DTNBP1: variants seen among roughly 807,000 people sequenced by gnomAD.
DTNBP1 encodes dystrobrevin binding protein 1, also known as dysbindin.
Under a neutral mutation model 42.8 loss-of-function variants are expected in DTNBP1, and 35 were observed. The ratio of observed to expected loss-of-function variants is 0.82; its 90% CI spans 0.63 to 1.09. The LOEUF is 1.09. Ranked by LOEUF, DTNBP1 falls within the 50% of genes least tolerant of loss-of-function variation. The pLI is 0.00. For synonymous variants in DTNBP1, 171 were observed against 162.2 expected (o/e 1.05, Z -0.41); for missense variants, 457 against 424.2 (o/e 1.08, Z -0.68).
At position 15,625,785 on chromosome 6, in the gene DTNBP1, C is replaced by G. The variant is rs559043251; in HGVS notation, c.355+1558G>C. ...AACATGTCTGCAAAGAAACATACAA[C>G]CAATGAAAAGCAAGTGACTCAAAGA... On this transcript the variant is annotated intron_variant, in intron 5 of 9. Transcript: ENST00000344537. 1.1e-3 allele frequency among the ~76,000 whole-genome samples: 173 copies of G among 152,226 alleles called. 1 individual carries two copies. The highest frequency in any genetic ancestry group is 4.0e-3 in the African/African-American group (168 of 41,538).
intron 7 of DTNBP1, among the ~76,000 whole-genome samples, chr6:15,585,064 AATATATATATATAT>A (rs59261831): frequency 0.017 from 2,022 of 119,528 alleles, 122 homozygotes; most frequent in African/African-American, 0.046. Flanking sequence ...TTATGAAAAG[AATATATATATATAT>A]ATATATATAT....
chr6:15,637,896 G>T (rs1215117016), intron 3 of DTNBP1, 92 bp from the exon 4 acceptor site: 6 of 1,356,072 alleles, frequency 4.4e-6, no homozygotes, highest in African/African-American at 4.3e-5. Context: ...TGTGGTGCTA[G>T]AAAGGAAACA....
At chr6:15,574,097 C>T (rs181922926) in intron 7 of DTNBP1, among the ~76,000 whole-genome samples, 3 of 152,268 alleles carry the variant, frequency 2.0e-5, no homozygotes, top group East Asian at 1.9e-4. Flanking sequence ...TCTTCAAAAT[C>T]GGAACAGATA....
intron 1 of DTNBP1, among the ~76,000 whole-genome samples, chr6:15,661,298 G>C (rs907165580): frequency 7.0e-6 from 1 of 143,280 alleles, no homozygotes; most frequent in Non-Finnish European, 1.5e-5. Context: ...AGGCTGCAGC[G>C]AGCTATAATA....
intron 7 of DTNBP1, among the ~76,000 whole-genome samples, chr6:15,548,640 A>G (rs1774031462): frequency 6.6e-6 from 1 of 152,214 alleles, no homozygotes; most frequent in African/African-American, 2.4e-5. Context: ...CAGTAAGACA[A>G]TTCTCATTTC....
intron 7 of DTNBP1, among the ~76,000 whole-genome samples, chr6:15,573,267 T>C (rs534978748): frequency 9.8e-5 from 15 of 152,294 alleles, no homozygotes; most frequent in African/African-American, 3.4e-4. Flanking sequence ...TATCACCATA[T>C]AGAAAATTTT....
intron 3 of DTNBP1, among the ~76,000 whole-genome samples, chr6:15,645,540 C>A (rs921647039): frequency 2.0e-5 from 3 of 152,108 alleles, no homozygotes; most frequent in Non-Finnish European, 4.4e-5. Flanking sequence ...AAATCCTCAA[C>A]AAAATGCTAT....
chr6:15,593,083 T>A lies in DTNBP1; in HGVS notation c.489-2A>T. 1 of 1,566,868 alleles carries A rather than the reference T, an allele frequency of 6.4e-7. No individual in the cohort carries two copies. Among genetic ancestry groups the A allele is most frequent in the Non-Finnish European group, 8.6e-7 (1 of 1,158,742 alleles). ...CCTTTGAAGGTTTCAAGTTCCTTCCTGTAGGAAAAAAAAAAAAAAGACAAG... is the reference window on the plus strand; with the variant it reads ...CCTTTGAAGGTTTCAAGTTCCTTCCAGTAGGAAAAAAAAAAAAAAGACAAG... On this transcript the variant is annotated splice_acceptor_variant, in intron 6 of 9. Transcript: ENST00000344537. LOFTEE classifies it high-confidence loss of function.
At chr6:15,531,972 A>G (rs1188580205) in intron 8 of DTNBP1, among the ~76,000 whole-genome samples, 4 of 152,196 alleles carry the variant, frequency 2.6e-5, no homozygotes, top group Non-Finnish European at 4.4e-5. Flanking sequence ...GAGGGGACAC[A>G]GAACTGGATG....
chr6:15,610,650 T>A (rs981486502), intron 6 of DTNBP1, among the ~76,000 whole-genome samples: 6 of 152,134 alleles, frequency 3.9e-5, no homozygotes, highest in African/African-American at 4.8e-5. Flanking sequence ...GCTACTCCAA[T>A]GAACACATGA....
In DTNBP1 at chr6:15,627,458, C is replaced by T. The variant is rs1219365058; in HGVS notation, c.240G>A (p.Val80=). 3 of 1,613,926 alleles carry T rather than the reference C, an allele frequency of 1.9e-6. No homozygotes were observed. Among genetic ancestry groups the T allele is most frequent in the Non-Finnish European group, 1.7e-6 (2 of 1,179,946 alleles). The change falls in exon 5 of 10, where the codon GTG becomes GTA. Residue 80 remains valine, a synonymous_variant. Coordinates refer to ENST00000344537, the MANE Select transcript of DTNBP1 (RefSeq NM_032122.5). ...TCTCCCAGTGCGCAGAAAGCATGAC[C>T]ACCTCGCTATCCACCAGCTGCAGCA... The part of the protein sequence containing the change: ...ASAGELVDSE[V]VMLSAHWEKK...
intron 8 of DTNBP1, among the ~76,000 whole-genome samples, chr6:15,531,055 A>T (rs910028560): frequency 2.0e-5 from 3 of 152,070 alleles, no homozygotes; most frequent in Non-Finnish European, 4.4e-5. Flanking sequence ...ATACCAAGAG[A>T]TAGCAGAGAG....
chr6:15,636,587 G>T (rs1368434409), intron 4 of DTNBP1, among the ~76,000 whole-genome samples: 1 of 152,158 alleles, frequency 6.6e-6, no homozygotes, highest in Non-Finnish European at 1.5e-5. Flanking sequence ...AAGCCAGACA[G>T]GTTTCCTTGT....
intron 2 of DTNBP1, 149 bp downstream of exon 2, chr6:15,651,938 C>G: frequency 1.4e-6 from 1 of 698,092 alleles, no homozygotes. Context: ...TTTCCTGTTA[C>G]AAAATTTAGA....
Position 15,587,688 on chromosome 6 carries a change from G to T in DTNBP1, c.511+5371C>A, listed in dbSNP as rs1776136226. ...CTAAGGCTTGTGAGGGAGACTTCGG[G>T]CATGGTGCAGCCTAGAGCCCCAAGG... On this transcript the variant is annotated intron_variant, in intron 7 of 9. Transcript: ENST00000344537. This position sits in a 1 kb window ranked among gnomAD's most constrained non-coding sequence, Gnocchi z 4.1. Among the ~76,000 whole-genome samples the T allele has an allele frequency of 6.6e-6, 1 of 152,140 alleles. No homozygotes were observed. Among genetic ancestry groups the T allele is most frequent in the Admixed American group, 6.5e-5 (1 of 15,268 alleles).
rs148424355 is a variant in DTNBP1, at chr6:15,595,484, C to G, written c.489-2403G>C. On this transcript the variant is annotated intron_variant, in intron 6 of 9. Transcript: ENST00000344537. ...GTTTCACCATGTTGGCCAGACTGGC[C>G]TCAAACTCCTGACCTCAGTTGATCC... 4.9e-3 allele frequency among the ~76,000 whole-genome samples: 748 copies of G among 152,056 alleles called. 4 individuals are homozygous for G. The highest frequency in any genetic ancestry group is 7.8e-3 in the Non-Finnish European group (532 of 67,968).
intron 7 of DTNBP1, among the ~76,000 whole-genome samples, chr6:15,544,639 C>T (rs1773770642): frequency 6.6e-6 from 1 of 152,188 alleles, no homozygotes; most frequent in Admixed American, 6.5e-5. Flanking sequence ...TTTTGAGCAC[C>T]TACCTGATTC....
Position 15,659,551 on chromosome 6 carries a change from C to CTTTT in DTNBP1, c.56+3262_56+3263insAAAA, listed in dbSNP as rs1164636890. Among the ~76,000 whole-genome samples, 2 of 104,688 alleles carry CTTTT rather than the reference C, an allele frequency of 1.9e-5. 1 individual carries two copies. Among genetic ancestry groups the CTTTT allele is most frequent in the African/African-American group, 7.9e-5 (2 of 25,382 alleles). The allele number at this position is 104,688 out of a possible 152,430, so 68.7% of individuals were successfully genotyped here. A position where few individuals can be genotyped will look rare whatever the true frequency, so the allele number is the denominator to read the frequency against. ...CTTTCTTTTTTAAGAGATGGGGTTTCTTTCTTTTTTTTTTTTTTTGAGACG... is the reference window on the plus strand; with the variant it reads ...CTTTCTTTTTTAAGAGATGGGGTTTCTTTTTTTCTTTTTTTTTTTTTTTGAGACG... On this transcript the variant is annotated intron_variant, in intron 1 of 9. Transcript: ENST00000344537.
chr6:15,652,637 T>A lies in DTNBP1; in HGVS notation c.57-497A>T, dbSNP rs533812088. 6.2e-4 allele frequency among the ~76,000 whole-genome samples: 94 copies of A among 151,738 alleles called. 2 individuals carry two copies. In the South Asian group the frequency reaches 0.019, roughly 30 times the overall value. On this transcript the variant is annotated intron_variant, in intron 1 of 9. Transcript: ENST00000344537. ...CTACAAACGGAAAATCTGTAGCAAA[T>A]TTTTTTTTAAGAGATGGTCTCACTC... is the stretch of plus-strand genomic sequence containing the variant.
Sources: allele counts gnomAD v4.1 joint callset (sites outside exome capture counted in the v4.1 genomes callset), GRCh38; gene constraint gnomAD v4.1.1; non-coding constraint Gnocchi (gnomAD v3.1); transcripts MANE v1.5; gene names NCBI Gene and HGNC (gene_info 2026-07-23, HGNC 2026-07-21).